MAF: variants seen among roughly 807,000 people sequenced by gnomAD.
MAF encodes the protein transcription factor Maf.
In MAF, 10 loss-of-function variants were observed where a neutral mutation model predicts 22.0. The ratio of observed to expected loss-of-function variants is 0.45; its 90% confidence interval spans 0.28 to 0.77. The LOEUF is 0.77. Ranked by LOEUF, MAF falls within the 30% of genes least tolerant of loss-of-function variation. The probability of loss-of-function intolerance (pLI) is 0.12; values close to 1 mark genes in which losing one functional copy is unlikely to be tolerated. For synonymous variants in MAF, 337 were observed against 255.8 expected (o/e 1.32, Z -3.03); for missense variants, 544 against 548.4 (o/e 0.99, Z 0.08).
the MAF span, among the ~76,000 whole-genome samples, chr16:79,516,966 T>A: frequency 6.6e-6 from 1 of 152,222 alleles, no homozygotes; most frequent in African/African-American, 2.4e-5. Context: ...AACCAGAGGC[T>A]TTCTAAGGCA....
the MAF span, among the ~76,000 whole-genome samples, chr16:79,391,893 GAGGAGC>G: frequency 1.2e-4 from 9 of 75,752 alleles, no homozygotes; most frequent in Non-Finnish European, 1.8e-4. Flanking sequence ...GGAGGAGGAG[GAGGAGC>G]AGGAGGAGGA....
chr16:79,274,162 C>A, the MAF span, among the ~76,000 whole-genome samples: 1 of 151,902 alleles, frequency 6.6e-6, no homozygotes, highest in Non-Finnish European at 1.5e-5. Context: ...GCCATATTGG[C>A]CAGGCTGGTC....
the MAF span, among the ~76,000 whole-genome samples, chr16:79,532,957 G>A: frequency 0.059 from 9,019 of 152,262 alleles, 355 homozygotes; most frequent in Middle Eastern, 0.11. Context: ...GGTCTTTGCC[G>A]ACATCTGACC....
At chr16:79,427,401 C>T in the MAF span, among the ~76,000 whole-genome samples, 818 of 152,306 alleles carry the variant, frequency 5.4e-3, 4 homozygotes, top group Middle Eastern at 0.014. Flanking sequence ...CCCCATTCAT[C>T]GGTGATGTCT....
At chr16:79,274,693 G>C in the MAF span, among the ~76,000 whole-genome samples, 1 of 152,144 alleles carries the variant, frequency 6.6e-6, no homozygotes, top group Non-Finnish European at 1.5e-5. Flanking sequence ...GCAAAGAATG[G>C]TCTTTGTACC....
the MAF span, among the ~76,000 whole-genome samples, chr16:79,313,116 C>A: frequency 6.6e-6 from 1 of 152,124 alleles, no homozygotes; most frequent in Non-Finnish European, 1.5e-5. Context: ...AATGTTAATA[C>A]CCATCTCACA....
chr16:79,473,934 G>A, the MAF span, among the ~76,000 whole-genome samples: 1 of 152,148 alleles, frequency 6.6e-6, no homozygotes, highest in Non-Finnish European at 1.5e-5. Flanking sequence ...CAAGGGATTG[G>A]GGGTTATGGT....
chr16:79,349,365 A>G, the MAF span, among the ~76,000 whole-genome samples: 3 of 152,316 alleles, frequency 2.0e-5, no homozygotes, highest in African/African-American at 4.8e-5. Context: ...TCTCCTTTCT[A>G]TTTGTGGAGG....
chr16:79,572,434 G>A, the MAF span, among the ~76,000 whole-genome samples: 2 of 152,284 alleles, frequency 1.3e-5, no homozygotes, highest in Middle Eastern at 3.4e-3. Context: ...CAGAGGAACC[G>A]CTGCCACAGC....
the MAF span, among the ~76,000 whole-genome samples, chr16:79,377,465 C>G: frequency 6.6e-6 from 1 of 152,152 alleles, no homozygotes; most frequent in Non-Finnish European, 1.5e-5. Context: ...AATTTTCTCC[C>G]ATTCTGTAGG....
chr16:79,334,321 C>A, the MAF span, among the ~76,000 whole-genome samples: 3 of 152,146 alleles, frequency 2.0e-5, no homozygotes, highest in East Asian at 3.9e-4. Flanking sequence ...CCAGACCCTG[C>A]AGCGCACCAG....
At chr16:79,577,365 G>C in the MAF span, among the ~76,000 whole-genome samples, 1 of 152,214 alleles carries the variant, frequency 6.6e-6, no homozygotes, top group Non-Finnish European at 1.5e-5. Context: ...GGTCGAGATA[G>C]TGTCTATCTA....
downstream of MAF, among the ~76,000 whole-genome samples, chr16:79,592,100 C>T (rs904295531): frequency 1.3e-5 from 2 of 152,164 alleles, no homozygotes; most frequent in Admixed American, 6.5e-5. Context: ...TTTAAAGTTC[C>T]CCTTTCTCTT....
chr16:79,235,685 T>C, the MAF span, among the ~76,000 whole-genome samples: 1 of 152,020 alleles, frequency 6.6e-6, no homozygotes, highest in East Asian at 1.9e-4. Flanking sequence ...TTAATTTAGT[T>C]AGCAATGGTT....
chr16:79,204,529 A>T, the MAF span: 2 of 152,226 alleles, frequency 1.3e-5, no homozygotes, highest in Admixed American at 1.3e-4. Flanking sequence ...GCTAGACATA[A>T]ATCTATCACA....
the MAF span, among the ~76,000 whole-genome samples, chr16:79,397,182 G>A: frequency 1.3e-5 from 2 of 152,210 alleles, no homozygotes; most frequent in African/African-American, 4.8e-5. Context: ...ATTAATCATT[G>A]CTTTGGTTTG....
chr16:79,296,053 T>A, the MAF span, among the ~76,000 whole-genome samples: 1 of 152,222 alleles, frequency 6.6e-6, no homozygotes, highest in East Asian at 1.9e-4. Flanking sequence ...TGTGGGCTGA[T>A]GGCTGTGGAA....
the MAF span, among the ~76,000 whole-genome samples, chr16:79,449,936 G>C: frequency 6.6e-6 from 1 of 152,280 alleles, no homozygotes; most frequent in East Asian, 1.9e-4. Context: ...ATGACATTTT[G>C]ATGCTTTCTT....
At chr16:79,376,202 G>C in the MAF span, among the ~76,000 whole-genome samples, 5 of 151,744 alleles carry the variant, frequency 3.3e-5, no homozygotes, top group African/African-American at 9.7e-5. Context: ...GATTAGTTTA[G>C]TTGGTTTTAT....
Sources: allele counts gnomAD v4.1 joint callset (sites outside exome capture counted in the v4.1 genomes callset), GRCh38; gene constraint gnomAD v4.1.1; transcripts MANE v1.5; gene names NCBI Gene and HGNC (gene_info 2026-07-23, HGNC 2026-07-21).